The following NUP153 variants were observed in gnomAD, a reference collection of about 807,000 sequenced individuals.
The protein encoded by NUP153 is nucleoporin 153.
Under a neutral mutation model 134.6 loss-of-function variants are expected in NUP153, and 27 were observed. That is an observed-to-expected ratio of 0.20 (90% CI 0.15 to 0.28). NUP153 has a LOEUF of 0.28. Among genes scored for constraint, NUP153 ranks in the 10% least tolerant of loss-of-function variants. The probability of loss-of-function intolerance (pLI) is 1.00; values close to 1 mark genes in which losing one functional copy is unlikely to be tolerated. For missense variants in NUP153, 1,821 were observed against 1,731.3 expected (o/e 1.05, Z -0.92); for synonymous variants, 640 against 623.5 (o/e 1.03, Z -0.40).
chr6:17,656,844 T>C (rs1347012185), intron 11 of NUP153, among the ~76,000 whole-genome samples: 1 of 152,198 alleles, frequency 6.6e-6, no homozygotes. Context: ...ATGGGCCACA[T>C]GTGCAAATTC....
At position 17,649,315 on chromosome 6, in the gene NUP153, G is replaced by A. The variant is rs1766389033; in HGVS notation, c.1396-15C>T. ...ACTTCCATTTCCTAAAACATAACAT[G>A]TTGCATGATATATTTCATCTTTCAC... On this transcript the variant is annotated splice_polypyrimidine_tract_variant and intron_variant, in intron 11 of 21. Transcript: ENST00000262077. The A allele has an allele frequency of 6.2e-7, 1 of 1,602,768 alleles. No individual in the cohort carries two copies. Among genetic ancestry groups the A allele is most frequent in the African/African-American group, 1.3e-5 (1 of 74,410 alleles).
chr6:17,653,055 C>A (rs532142245), intron 11 of NUP153, among the ~76,000 whole-genome samples: 1 of 152,154 alleles, frequency 6.6e-6, no homozygotes, highest in South Asian at 2.1e-4. Flanking sequence ...GAGTTTGAGA[C>A]CAGCCTGGGC....
chr6:17,659,035 C>T (rs1270286786), intron 11 of NUP153, among the ~76,000 whole-genome samples: 3 of 152,136 alleles, frequency 2.0e-5, no homozygotes, highest in African/African-American at 7.2e-5. Flanking sequence ...ATTGGTCAAC[C>T]GAAAGGGCCT....
chr6:17,692,917 A>C (rs796611436), intron 1 of NUP153, among the ~76,000 whole-genome samples: 5 of 152,298 alleles, frequency 3.3e-5, no homozygotes, highest in African/African-American at 1.2e-4. Flanking sequence ...GAAAGGCTTA[A>C]TCTTCAGTTA....
intron 11 of NUP153, among the ~76,000 whole-genome samples, chr6:17,651,556 A>G (rs1191394551): frequency 6.6e-6 from 1 of 152,192 alleles, no homozygotes; most frequent in Non-Finnish European, 1.5e-5. Flanking sequence ...GACCTACTTT[A>G]AATATAAACA....
intron 1 of NUP153, among the ~76,000 whole-genome samples, chr6:17,694,909 G>A (rs1222994583): frequency 6.6e-6 from 1 of 151,782 alleles, no homozygotes; most frequent in Non-Finnish European, 1.5e-5. Flanking sequence ...AACCCAGGAC[G>A]CAGAGGTTGC....
intron 1 of NUP153, among the ~76,000 whole-genome samples, chr6:17,690,830 T>C (rs1314707140): frequency 2.0e-5 from 3 of 152,162 alleles, no homozygotes; most frequent in Non-Finnish European, 2.9e-5. Context: ...GGCACTTGAA[T>C]AGTAATTTCC....
At chr6:17,631,521 G>A (rs930193988) in intron 17 of NUP153, among the ~76,000 whole-genome samples, 6 of 152,016 alleles carry the variant, frequency 3.9e-5, no homozygotes, top group Admixed American at 6.6e-5. Flanking sequence ...TCCTCTCACC[G>A]TTCTAGGGGT....
intron 5 of NUP153, among the ~76,000 whole-genome samples, chr6:17,671,313 C>T (rs1425156796): frequency 1.3e-5 from 2 of 151,762 alleles, no homozygotes; most frequent in Non-Finnish European, 2.9e-5. Context: ...TAATGTTGGC[C>T]TCATAAAAGG....
Position 17,632,801 on chromosome 6 carries a change from A to G in NUP153, c.2508T>C (p.Ser836=), listed in dbSNP as rs761815700. The change falls in exon 17 of 22, where the codon TCT becomes TCC. Residue 836 remains serine (S), a synonymous_variant. Transcript: ENST00000262077. ...ATCCTAGAGAGCCTCCAGAAGGCAG[A>G]GAGACAGGTACAGTGCTGCTACTTG... The part of the protein sequence containing the change: ...PASSSSTVPV[S]LPSGGSLGLE... The G allele has an allele frequency of 6.4e-6, 10 of 1,572,438 alleles. 1 individual carries two copies. The highest frequency in any genetic ancestry group is 4.4e-5 in the South Asian group (4 of 90,468).
chr6:17,639,953 A>C lies in NUP153; in HGVS notation c.1832T>G (p.Ile611Ser). 6.2e-7 allele frequency: 1 copy of C among 1,604,912 alleles called. No homozygotes were observed. The highest frequency in any genetic ancestry group is 8.5e-7 in the Non-Finnish European group (1 of 1,177,518). The change falls in exon 15 of 22, where the codon ATT (isoleucine) becomes AGT (serine). Residue 611 changes from isoleucine (I) to serine (S), a missense_variant. Coordinates refer to ENST00000262077, the MANE Select transcript of NUP153 (RefSeq NM_005124.4). Reference protein sequence around the residue: ...EILKEGSVLDILKSPGFASPK... With the variant: ...EILKEGSVLDSLKSPGFASPK... ...AATTATCTTACCAGGGCTTTTCAGA[A>C]TATCTAGAACACTTCCTTCTTTCAG...
intron 17 of NUP153, among the ~76,000 whole-genome samples, 158 bp downstream of exon 17, chr6:17,632,492 A>G (rs977607443): frequency 6.6e-6 from 1 of 152,210 alleles, no homozygotes; most frequent in Admixed American, 6.5e-5. Context: ...AATATTCAGA[A>G]ACAGATATAA....
rs767371417 is a variant in NUP153 at position 17,649,264 on chromosome 6, G to C, written c.1432C>G (p.Pro478Ala). The change falls in exon 12 of 22, where the codon CCG becomes GCG. Residue 478 changes from proline to alanine, a missense_variant. Pro to Ala is a conservative substitution (Grantham distance 27). Transcript: ENST00000262077. ...EVPVLPKISL[P>A]ITSSSLPTFN... is the part of the protein sequence containing the mutation. ...GTAGGCAGTGAAGAACTGGTGATCG[G>C]TAGAGAGATTTTCGGTAATACTGGA... The C allele has an allele frequency of 1.2e-6, 2 of 1,613,538 alleles. No homozygotes were observed. The highest frequency in any genetic ancestry group is 1.7e-6 in the Non-Finnish European group (2 of 1,179,772).
intron 20 of NUP153, among the ~76,000 whole-genome samples, chr6:17,618,028 G>C (rs1381649861): frequency 6.6e-6 from 1 of 151,976 alleles, no homozygotes; most frequent in Admixed American, 6.6e-5. Context: ...ACAAAATACC[G>C]AGCGCTCCAG....
intron 20 of NUP153, among the ~76,000 whole-genome samples, chr6:17,620,094 T>TCA (rs1764567838): frequency 1.2e-4 from 1 of 8,264 alleles, no homozygotes; most frequent in Non-Finnish European, 2.3e-4. Flanking sequence ...CAAGACACCA[T>TCA]CAAAAAAAAA....
In NUP153 at chr6:17,681,391, C is replaced by G. The variant is rs184637674; in HGVS notation, c.335-5621G>C. Among the ~76,000 whole-genome samples the G allele has an allele frequency of 3.0e-3, 104 of 34,716 alleles. 1 individual carries two copies. In the East Asian group the frequency reaches 0.15, roughly 50 times the overall value. 22.8% of individuals were successfully genotyped at this position (34,716 alleles called of 152,430 possible). A position where few individuals can be genotyped will look rare whatever the true frequency, so the allele number is the denominator to read the frequency against. ...CACGAGGTCAGGAGATCGAGACCATCCTGGCTAACAGGTGAAACCCCGTGT... is the reference window on the plus strand; with the variant it reads ...CACGAGGTCAGGAGATCGAGACCATGCTGGCTAACAGGTGAAACCCCGTGT... On this transcript the variant is annotated intron_variant, in intron 2 of 21. Coordinates refer to ENST00000262077, the MANE Select transcript of NUP153 (RefSeq NM_005124.4).
intron 13 of NUP153, among the ~76,000 whole-genome samples, chr6:17,647,239 T>A (rs528229304): frequency 6.6e-6 from 1 of 152,310 alleles, no homozygotes; most frequent in African/African-American, 2.4e-5. Context: ...GCAATTTGAA[T>A]ATTAAACTAC....
rs191252784 is a variant in NUP153, at chr6:17,689,413, A to C, written c.112-795T>G. 2.0e-5 allele frequency among the ~76,000 whole-genome samples: 3 copies of C among 149,440 alleles called. No homozygotes were observed. The East Asian group carries it at 6.4e-4, about 32-fold the overall frequency. On this transcript the variant is annotated intron_variant, in intron 1 of 21. Transcript: ENST00000262077. ...AAAAAACAAAACAAAACAAATAAAC[A>C]AACAAAAAAAAACAATCCAACAAAA...
At chr6:17,657,847 T>C (rs1228751484) in intron 11 of NUP153, among the ~76,000 whole-genome samples, 1 of 152,244 alleles carries the variant, frequency 6.6e-6, no homozygotes, top group African/African-American at 2.4e-5. Context: ...TTGGAATACA[T>C]TCTTAAATGT....
Sources: allele counts gnomAD v4.1 joint callset (sites outside exome capture counted in the v4.1 genomes callset), GRCh38; gene constraint gnomAD v4.1.1; transcripts MANE v1.5; gene names NCBI Gene and HGNC (gene_info 2026-07-23, HGNC 2026-07-21).